Variants in CHST8 observed in about 807,000 individuals in gnomAD.
CHST8 encodes carbohydrate sulfotransferase 8, also known as GALNAC-4-ST1.
Under a neutral mutation model 15.0 loss-of-function variants are expected in CHST8, and 10 were observed. The observed-to-expected ratio is 0.67, with a 90% CI of 0.41 to 1.13. The LOEUF is 1.13. Among genes scored for constraint, CHST8 ranks in the 50% most tolerant of loss-of-function variants. CHST8 has a pLI of 0.00. For missense variants in CHST8, 634 were observed against 608.2 expected (o/e 1.04, Z -0.45); for synonymous variants, 259 against 256.6 (o/e 1.01, Z -0.09).
chr19:33,678,854 C>T (rs1306181570), intron 2 of CHST8, among the ~76,000 whole-genome samples: 2 of 152,242 alleles, frequency 1.3e-5, no homozygotes, highest in African/African-American at 4.8e-5. Flanking sequence ...AACCACTGGA[C>T]TCCACATGAC....
intron 1 of CHST8, among the ~76,000 whole-genome samples, chr19:33,649,396 A>G (rs1972403599): frequency 1.3e-5 from 2 of 152,170 alleles, no homozygotes; most frequent in Admixed American, 1.3e-4. Context: ...AGAAAGGAGA[A>G]CTTTATTTCT....
chr19:33,701,996 T>G (rs959729600), intron 3 of CHST8, among the ~76,000 whole-genome samples: 5 of 152,186 alleles, frequency 3.3e-5, no homozygotes, highest in Non-Finnish European at 7.3e-5. Flanking sequence ...GTTTGTTTGT[T>G]TTTGTTTTTT....
rs1266407532 is a variant in CHST8 at position 33,677,954 on chromosome 19, A to T, written c.-87+10111A>T. Among the ~76,000 whole-genome samples the T allele has an allele frequency of 2.0e-5, 3 of 152,128 alleles. No homozygotes were observed. The East Asian group carries it at 5.8e-4, about 29-fold the overall frequency. On this transcript the variant is annotated intron_variant, in intron 2 of 4. Coordinates refer to ENST00000650847, the MANE Select transcript of CHST8 (RefSeq NM_001127895.2). ...CTGGGGGGCTTGGGAGTGACCACAGATGTATTGCAGGACAGGTGTTGAGAT... is the reference window on the plus strand; with the variant it reads ...CTGGGGGGCTTGGGAGTGACCACAGTTGTATTGCAGGACAGGTGTTGAGAT...
At chr19:33,636,092 TA>T (rs4012941) in intron 1 of CHST8, among the ~76,000 whole-genome samples, 19,267 of 139,542 alleles carry the variant, frequency 0.14, 1,447 homozygotes, top group East Asian at 0.18. Flanking sequence ...TTATCAAAGT[TA>T]AAAAAAAAAA....
rs1316231422 is a variant in CHST8, at chr19:33,665,446, CAATA to C, written c.-163-2318_-163-2315del. On this transcript the variant is annotated intron_variant, in intron 1 of 4. Coordinates refer to ENST00000650847, the MANE Select transcript of CHST8 (RefSeq NM_001127895.2). ...ATACAGAACAGGCGTGGCTGTGTTC[CAATA>C]AAACTTTATTTCCAGGAACAGGTGG... 8.5e-5 allele frequency among the ~76,000 whole-genome samples: 13 copies of C among 152,096 alleles called. 1 individual carries two copies. The East Asian group carries it at 2.5e-3, about 29-fold the overall frequency.
intron 1 of CHST8, among the ~76,000 whole-genome samples, chr19:33,624,951 C>A (rs1040409231): frequency 1.6e-4 from 25 of 152,318 alleles, no homozygotes; most frequent in African/African-American, 5.5e-4. Context: ...GTCTTAGCTA[C>A]ATCTGCTGCT....
chr19:33,747,898 A>C (rs959089063), intron 3 of CHST8, among the ~76,000 whole-genome samples: 10 of 152,286 alleles, frequency 6.6e-5, no homozygotes, highest in Admixed American at 2.6e-4. Context: ...GAGGTGGCTC[A>C]GCGGGTCTCC....
At chr19:33,654,605 A>T (rs566057998) in intron 1 of CHST8, among the ~76,000 whole-genome samples, 1 of 152,128 alleles carries the variant, frequency 6.6e-6, no homozygotes, top group East Asian at 1.9e-4. Flanking sequence ...CATATTGGTC[A>T]TGTAAATTTG....
At chr19:33,654,046 T>C (rs1487369878) in intron 1 of CHST8, among the ~76,000 whole-genome samples, 2 of 152,214 alleles carry the variant, frequency 1.3e-5, no homozygotes, top group Non-Finnish European at 2.9e-5. Context: ...ATTCATGTTT[T>C]TCCATGTTTG....
intron 3 of CHST8, among the ~76,000 whole-genome samples, chr19:33,700,942 C>A (rs193193980): frequency 5.3e-5 from 8 of 152,164 alleles, no homozygotes; most frequent in African/African-American, 1.4e-4. Flanking sequence ...GTGGTGATTG[C>A]CCAAGTGCCA....
At chr19:33,664,104 G>C (rs12459432) in intron 1 of CHST8, among the ~76,000 whole-genome samples, 28,925 of 151,970 alleles carry the variant, frequency 0.19, 3,216 homozygotes, top group Admixed American at 0.34. Flanking sequence ...ATCGCAGTTC[G>C]GAGTGGACTG....
At chr19:33,705,697 C>A (rs934834873) in intron 3 of CHST8, among the ~76,000 whole-genome samples, 1 of 152,158 alleles carries the variant, frequency 6.6e-6, no homozygotes, top group Non-Finnish European at 1.5e-5. Context: ...GGCATGGCCA[C>A]CCTGGCTCCC....
chr19:33,699,082 C>T, intron 3 of CHST8, among the ~76,000 whole-genome samples: 1 of 152,202 alleles, frequency 6.6e-6, no homozygotes, highest in Admixed American at 6.5e-5. Flanking sequence ...GAGATTCATG[C>T]TTTTCAGCCC....
At chr19:33,634,677 C>CAAAAA (rs3040761) in intron 1 of CHST8, among the ~76,000 whole-genome samples, 2 of 52,358 alleles carry the variant, frequency 3.8e-5, no homozygotes, top group Non-Finnish European at 6.6e-5. Context: ...GTCACGAAAC[C>CAAAAA]AAAAAAAAAA....
In CHST8 at chr19:33,730,434, G is replaced by A. The variant is rs534023703; in HGVS notation, c.131-40979G>A. Reference sequence around the variant, plus strand: ...TAAGAATTAAATGAGATAATACAGGGACCACGCTAAGCTCATTCTTTGGTC... The same window carrying A: ...TAAGAATTAAATGAGATAATACAGGAACCACGCTAAGCTCATTCTTTGGTC... On this transcript the variant is annotated intron_variant, in intron 3 of 4. Transcript: ENST00000650847. 9.1e-4 allele frequency among the ~76,000 whole-genome samples: 138 copies of A among 152,294 alleles called. 1 individual carries two copies. Among genetic ancestry groups the A allele is most frequent in the African/African-American group, 3.0e-3 (124 of 41,574 alleles).
intron 3 of CHST8, among the ~76,000 whole-genome samples, chr19:33,720,363 C>T (rs1295329572): frequency 2.0e-5 from 3 of 151,354 alleles, no homozygotes; most frequent in Admixed American, 6.6e-5. Context: ...ACACATGCAT[C>T]ACACATACCC....
At chr19:33,721,611 T>G (rs948144603) in intron 3 of CHST8, among the ~76,000 whole-genome samples, 1 of 113,328 alleles carries the variant, frequency 8.8e-6, no homozygotes, top group Non-Finnish European at 1.7e-5. Flanking sequence ...GATGGATGGA[T>G]GAGTAGGCAG....
intron 3 of CHST8, among the ~76,000 whole-genome samples, chr19:33,744,874 G>A (rs1308361075): frequency 1.3e-5 from 2 of 151,950 alleles, no homozygotes; most frequent in Non-Finnish European, 1.5e-5. Flanking sequence ...TCAGCCTCCC[G>A]AGTAGCTGGG....
intron 3 of CHST8, among the ~76,000 whole-genome samples, chr19:33,766,144 CTCT>C (rs754322498): frequency 6.6e-6 from 1 of 151,874 alleles, no homozygotes; most frequent in Non-Finnish European, 1.5e-5. Context: ...TCCTCTCTCT[CTCT>C]TCTTCTTCCT....
Sources: gnomAD v4.1 joint callset for allele counts (sites outside exome capture counted in the v4.1 genomes callset) on GRCh38, gnomAD v4.1.1 for gene constraint, MANE v1.5 for transcripts, NCBI Gene and HGNC (gene_info 2026-07-23, HGNC 2026-07-21) for gene names.